ELK3: variants seen among roughly 807,000 people sequenced by gnomAD.
ELK3 encodes ETS transcription factor ELK3.
ELK3 carries 10 observed loss-of-function variants against 28.9 expected under a neutral mutation model. That is an observed-to-expected ratio of 0.35 (90% CI 0.21 to 0.59). The LOEUF (loss-of-function observed/expected upper bound fraction) is 0.59, where lower values mean the gene tolerates loss of function less well. ELK3 is among the 20% of genes least tolerant of loss of function. The pLI, the probability that ELK3 is intolerant of heterozygous loss-of-function variation, is 0.82. For synonymous variants in ELK3, 272 were observed against 243.5 expected (o/e 1.12, Z -1.09); for missense variants, 463 against 517.3 (o/e 0.90, Z 1.02).
intron 1 of ELK3, among the ~76,000 whole-genome samples, chr12:96,196,181 C>T (rs1951465728): frequency 6.6e-6 from 1 of 152,230 alleles, no homozygotes; most frequent in African/African-American, 2.4e-5. Flanking sequence ...TGTGCAGCCA[C>T]TGTCAGCCTG....
rs981663667 is a variant in ELK3, at chr12:96,194,412, CCGGGGCGCGCGGCG to C, written c.-288_-275del. The C allele has an allele frequency of 4.1e-5, 6 of 147,864 alleles. No homozygotes were observed. The highest frequency in any genetic ancestry group is 7.5e-5 in the Non-Finnish European group (5 of 66,716). The allele number at this position is 147,864 out of a possible 1,614,324, so 9.2% of individuals were successfully genotyped here. ...GGCCAGCCCCGGCGCACAGCCGCGG[CCGGGGCGCGCGGCG>C]CGGGGCGGAAAAGCCTGTTTACACA... is the stretch of plus-strand genomic sequence containing the variant. On this transcript the variant is annotated 5_prime_UTR_variant, in exon 1 of 5. Coordinates refer to ENST00000228741, the MANE Select transcript of ELK3 (RefSeq NM_005230.4).
chr12:96,225,994 T>C (rs1212233214), intron 2 of ELK3, among the ~76,000 whole-genome samples: 1 of 151,944 alleles, frequency 6.6e-6, no homozygotes, highest in Non-Finnish European at 1.5e-5. Flanking sequence ...TAGCCGAGTG[T>C]GGAAGTGCAT....
At chr12:96,220,672 G>A (rs1555193803) in intron 1 of ELK3, among the ~76,000 whole-genome samples, 11 of 152,216 alleles carry the variant, frequency 7.2e-5, no homozygotes, top group South Asian at 4.1e-4. Context: ...GATTACAGGC[G>A]TGAGCCACCA....
Position 96,242,535 on chromosome 12 carries a change from A to G in ELK3, c.208-4405A>G, listed in dbSNP as rs551053162. Among the ~76,000 whole-genome samples the G allele has an allele frequency of 1.7e-4, 26 of 152,242 alleles. 1 individual carries two copies. Among genetic ancestry groups the G allele is most frequent in the Non-Finnish European group, 1.2e-4 (8 of 68,044 alleles). On this transcript the variant is annotated intron_variant, in intron 2 of 4. Coordinates refer to ENST00000228741, the MANE Select transcript of ELK3 (RefSeq NM_005230.4). ...AAGGAAACTTCCCTCTGGAAGCCAC[A>G]GAGAGATCTTCAAACATACATGGCG...
chr12:96,259,963 A>T (rs1472656023), intron 4 of ELK3, 110 bp downstream of exon 4: 1 of 1,406,744 alleles, frequency 7.1e-7, no homozygotes, highest in African/African-American at 1.4e-5. Context: ...TTGAAATATT[A>T]AATGTCCAGA....
At chr12:96,230,750 C>T (rs893434084) in intron 2 of ELK3, among the ~76,000 whole-genome samples, 2 of 152,154 alleles carry the variant, frequency 1.3e-5, no homozygotes, top group Admixed American at 6.5e-5. Flanking sequence ...GTGCTGGGAT[C>T]GGAGGCTCTG....
chr12:96,245,068 C>G (rs1330289027), intron 2 of ELK3, among the ~76,000 whole-genome samples: 1 of 152,144 alleles, frequency 6.6e-6, no homozygotes, highest in African/African-American at 2.4e-5. Context: ...TGACTCTAAT[C>G]TAAGGTGCCC....
At chr12:96,218,794 G>A (rs1021744688) in intron 1 of ELK3, among the ~76,000 whole-genome samples, 7 of 151,730 alleles carry the variant, frequency 4.6e-5, no homozygotes, top group African/African-American at 1.5e-4. Flanking sequence ...GACCACAGGC[G>A]CCCGCCACCA....
At chr12:96,201,223 A>T (rs970164165) in intron 1 of ELK3, among the ~76,000 whole-genome samples, 1 of 152,226 alleles carries the variant, frequency 6.6e-6, no homozygotes, top group African/African-American at 2.4e-5. Context: ...AACCAAAAGT[A>T]ATATGTGTGC....
rs35309478 is a variant in ELK3 at position 96,220,382 on chromosome 12, ATTTTTTTTT to A, written c.-2-3169_-2-3161del. Among the ~76,000 whole-genome samples the A allele has an allele frequency of 2.2e-3, 224 of 100,330 alleles. 1 individual carries two copies. Among genetic ancestry groups the A allele is most frequent in the Middle Eastern group, 6.9e-3 (1 of 144 alleles). The allele number at this position is 100,330 out of a possible 152,430, so 65.8% of individuals were successfully genotyped here. A position where few individuals can be genotyped will look rare whatever the true frequency, so the allele number is the denominator to read the frequency against. Reference sequence around the variant, plus strand: ...ACACCTAGTAGCATACTTTTTCGTGATTTTTTTTTTTTTTTTTTTTTTGAGATGGAGTTT... The same window carrying A: ...ACACCTAGTAGCATACTTTTTCGTGATTTTTTTTTTTTTGAGATGGAGTTT... On this transcript the variant is annotated intron_variant, in intron 1 of 4. Transcript: ENST00000228741.
chr12:96,262,789 CA>C (rs949132554), intron 4 of ELK3, among the ~76,000 whole-genome samples: 6 of 151,834 alleles, frequency 4.0e-5, no homozygotes, highest in African/African-American at 1.2e-4. Context: ...AGATTACTAT[CA>C]GCAGTGCCTC....
intron 1 of ELK3, among the ~76,000 whole-genome samples, chr12:96,204,190 A>G (rs1951525519): frequency 6.6e-6 from 1 of 152,108 alleles, no homozygotes; most frequent in Non-Finnish European, 1.5e-5. Flanking sequence ...TATAGAATTA[A>G]TCATTGTAGA....
intron 2 of ELK3, among the ~76,000 whole-genome samples, chr12:96,227,483 T>G (rs186966864): frequency 6.6e-6 from 1 of 152,056 alleles, no homozygotes; most frequent in East Asian, 1.9e-4. Context: ...TTATATGTTA[T>G]ATTTTTAGCA....
rs549209098 is a variant in ELK3, at chr12:96,265,514, C to T, written c.1126-1568C>T. ...CAGCCTGGGCAACATGGTGAAACCT[C>T]GTATTTACCAAACATACAAAAATTA... On this transcript the variant is annotated intron_variant, in intron 4 of 4. Coordinates refer to ENST00000228741, the MANE Select transcript of ELK3 (RefSeq NM_005230.4). Among the ~76,000 whole-genome samples, 5 of 152,116 alleles carry T rather than the reference C, an allele frequency of 3.3e-5. No homozygotes were observed. In the South Asian group the frequency reaches 6.2e-4, roughly 19 times the overall value.
In ELK3 at chr12:96,243,850, A is replaced by G. The variant is rs189571684; in HGVS notation, c.208-3090A>G. Among the ~76,000 whole-genome samples the G allele has an allele frequency of 3.9e-3, 590 of 151,924 alleles. 1 individual carries two copies. The highest frequency in any genetic ancestry group is 0.013 in the African/African-American group (550 of 41,422). On this transcript the variant is annotated intron_variant, in intron 2 of 4. Coordinates refer to ENST00000228741, the MANE Select transcript of ELK3 (RefSeq NM_005230.4). ...AGAGCGAGACTCCATCTCAAAAAAA[A>G]AAAAAATTAGCTGGGCATGATGGTG...
Position 96,263,541 on chromosome 12 carries a change from A to C in ELK3, c.1126-3541A>C, listed in dbSNP as rs553912571. On this transcript the variant is annotated intron_variant, in intron 4 of 4. Coordinates refer to ENST00000228741, the MANE Select transcript of ELK3 (RefSeq NM_005230.4). ...TAGTTCAACAAATCTAACCCCAGCAAATATTTGCAATGCTCTGCGACAAGG... is the reference window on the plus strand; with the variant it reads ...TAGTTCAACAAATCTAACCCCAGCACATATTTGCAATGCTCTGCGACAAGG... Among the ~76,000 whole-genome samples the C allele has an allele frequency of 2.6e-5, 4 of 152,350 alleles. No homozygotes were observed. In the South Asian group the frequency reaches 8.3e-4, roughly 32 times the overall value.
chr12:96,254,451 T>C (rs566380110), intron 3 of ELK3, among the ~76,000 whole-genome samples: 2 of 152,326 alleles, frequency 1.3e-5, no homozygotes, highest in South Asian at 4.1e-4. Context: ...TGCTTGTTTT[T>C]ATGACCTTAG....
chr12:96,249,458 C>T (rs979062993), intron 3 of ELK3, among the ~76,000 whole-genome samples: 2 of 152,152 alleles, frequency 1.3e-5, no homozygotes, highest in African/African-American at 2.4e-5. Flanking sequence ...CAGGCATCTT[C>T]CAGTTAAGCA....
intron 1 of ELK3, among the ~76,000 whole-genome samples, chr12:96,216,252 C>T (rs1251634832): frequency 1.4e-4 from 21 of 152,134 alleles, no homozygotes; most frequent in Admixed American, 1.4e-3. Flanking sequence ...TCCAGAGAAA[C>T]CACATAGATG....
Sources: allele counts gnomAD v4.1 joint callset (sites outside exome capture counted in the v4.1 genomes callset), GRCh38; gene constraint gnomAD v4.1.1; transcripts MANE v1.5; gene names NCBI Gene and HGNC (gene_info 2026-07-23, HGNC 2026-07-21).